The following ADAMTS12 variants were observed in gnomAD, a reference collection of about 807,000 sequenced individuals.
ADAMTS12 encodes the protein A disintegrin and metalloproteinase with thrombospondin motifs 12.
Under a neutral mutation model 167.8 loss-of-function variants are expected in ADAMTS12, and 118 were observed. The observed-to-expected ratio is 0.70, with a 90% CI of 0.61 to 0.82. The LOEUF (loss-of-function observed/expected upper bound fraction) is 0.82, where lower values mean the gene tolerates loss of function less well. Among genes scored for constraint, ADAMTS12 ranks in the 40% least tolerant of loss-of-function variants. The probability of loss-of-function intolerance (pLI) is 0.00; values close to 1 mark genes in which losing one functional copy is unlikely to be tolerated. For missense variants in ADAMTS12, 1,916 were observed against 1,998.8 expected, an observed-to-expected ratio of 0.96 and a Z score of 0.79; for synonymous variants, 704 against 716.9, an observed-to-expected ratio of 0.98 and a Z score of 0.29.
chr5:33,615,754 C>A, intron 15 of ADAMTS12, 74 bp downstream of exon 15: 2 of 1,570,902 alleles, frequency 1.3e-6, no homozygotes, highest in Non-Finnish European at 1.7e-6. Context: ...TGTCCCCTAG[C>A]AAGTACCTTG....
chr5:33,787,985 T>C (rs1401847920), intron 2 of ADAMTS12, among the ~76,000 whole-genome samples: 1 of 152,100 alleles, frequency 6.6e-6, no homozygotes, highest in Non-Finnish European at 1.5e-5. Context: ...ACAGCCTCAC[T>C]CAAACGGGAG....
At chr5:33,833,003 T>G (rs1292868652) in intron 2 of ADAMTS12, among the ~76,000 whole-genome samples, 1 of 152,214 alleles carries the variant, frequency 6.6e-6, no homozygotes, top group Non-Finnish European at 1.5e-5. Context: ...AGGGAAGCTT[T>G]TGTTTCTCTC....
chr5:33,644,571 G>T lies in ADAMTS12; in HGVS notation c.1480-1101C>A, dbSNP rs1740589696. On this transcript the variant is annotated intron_variant, in intron 9 of 23. Transcript: ENST00000504830. ...TTCTGGTTCTTTTTTCTCATGTACA[G>T]TTCATTCTTATATATTTATTTTATT... Among the ~76,000 whole-genome samples, 6 of 151,860 alleles carry T rather than the reference G, an allele frequency of 4.0e-5. No individual in the cohort carries two copies. The South Asian group carries it at 1.2e-3, about 31-fold the overall frequency.
In ADAMTS12 at chr5:33,616,033, T is replaced by A; in HGVS notation, c.2183A>T (p.Asp728Val). The A allele has an allele frequency of 6.2e-7, 1 of 1,614,148 alleles. No homozygotes were observed. The highest frequency in any genetic ancestry group is 8.5e-7 in the Non-Finnish European group (1 of 1,180,012). Reference protein sequence around the residue: ...DIGLIPKGARDIRVMEIEGAG... With the variant: ...DIGLIPKGARVIRVMEIEGAG... The stretch of plus-strand genomic sequence containing the variant: ...TCCCTCAATTTCCATCACTCTTATG[T>A]CCCTTGCTCCTTTTGGAATGAGCCC... Residue 728 changes from aspartate to valine, a missense_variant, in exon 15 of 24, where the codon GAC becomes GTC. Asp to Val is a radical substitution (Grantham distance 152). Transcript: ENST00000504830.
chr5:33,791,716 C>T (rs1746576729), intron 2 of ADAMTS12, among the ~76,000 whole-genome samples: 1 of 151,858 alleles, frequency 6.6e-6, no homozygotes, highest in Admixed American at 6.6e-5. Context: ...CTTGAGATAC[C>T]CCAGATATCC....
intron 3 of ADAMTS12, among the ~76,000 whole-genome samples, chr5:33,705,635 A>G (rs545843725): frequency 3.6e-4 from 54 of 152,092 alleles, no homozygotes; most frequent in Non-Finnish European, 6.8e-4. Flanking sequence ...CAACGTGTGA[A>G]ACCATCTCTA....
chr5:33,649,722 G>T (rs1302737066), intron 7 of ADAMTS12, 25 bp from the exon 8 acceptor site: 2 of 1,611,412 alleles, frequency 1.2e-6, no homozygotes, highest in African/African-American at 1.3e-5. Context: ...CCAAGCACAA[G>T]AAGAGCCAGC....
At chr5:33,831,034 C>A (rs1259189901) in intron 2 of ADAMTS12, among the ~76,000 whole-genome samples, 1 of 152,056 alleles carries the variant, frequency 6.6e-6, no homozygotes, top group Non-Finnish European at 1.5e-5. Flanking sequence ...ATGCTACAAA[C>A]AGACTCTTAA....
At chr5:33,533,196 G>A (rs1744201538) in intron 23 of ADAMTS12, among the ~76,000 whole-genome samples, 1 of 152,174 alleles carries the variant, frequency 6.6e-6, no homozygotes, top group African/African-American at 2.4e-5. Flanking sequence ...GACAGTTGAA[G>A]ACAACCTACA....
intron 16 of ADAMTS12, among the ~76,000 whole-genome samples, chr5:33,600,543 GA>G (rs5867193): frequency 0.021 from 3,250 of 152,246 alleles, 42 homozygotes; most frequent in African/African-American, 0.05. Flanking sequence ...TTATTGTAAT[GA>G]CTTATGGTTA....
At chr5:33,631,205 C>T (rs1374621147) in intron 12 of ADAMTS12, among the ~76,000 whole-genome samples, 1 of 152,152 alleles carries the variant, frequency 6.6e-6, no homozygotes, top group African/African-American at 2.4e-5. Flanking sequence ...TTCTATTCAA[C>T]ATTGAATTGT....
intron 20 of ADAMTS12, among the ~76,000 whole-genome samples, chr5:33,554,342 C>A (rs973102906): frequency 3.3e-5 from 5 of 152,116 alleles, no homozygotes; most frequent in African/African-American, 1.2e-4. Context: ...TGGACGCCAT[C>A]ATGGAGAACC....
At chr5:33,601,253 CT>C (rs1561159480) in intron 16 of ADAMTS12, among the ~76,000 whole-genome samples, 1 of 152,038 alleles carries the variant, frequency 6.6e-6, no homozygotes, top group Non-Finnish European at 1.5e-5. Flanking sequence ...CTTCTCAAGC[CT>C]CAATTTCCTT....
intron 23 of ADAMTS12, 136 bp downstream of exon 23, chr5:33,534,695 CCA>C (rs746286094): frequency 8.7e-7 from 1 of 1,148,534 alleles, no homozygotes; most frequent in Non-Finnish European, 1.2e-6. Flanking sequence ...TAGTTTGTTC[CCA>C]GGGTTACTGG....
chr5:33,602,569 T>A (rs1228524259), intron 16 of ADAMTS12, among the ~76,000 whole-genome samples: 1 of 152,216 alleles, frequency 6.6e-6, no homozygotes, highest in Admixed American at 6.5e-5. Flanking sequence ...AGCACCAAGA[T>A]GAGTGCACTT....
At chr5:33,743,678 T>G (rs1236916970) in intron 3 of ADAMTS12, among the ~76,000 whole-genome samples, 1 of 152,230 alleles carries the variant, frequency 6.6e-6, no homozygotes, top group Non-Finnish European at 1.5e-5. Context: ...TTTCTTTTTC[T>G]ATCTGCGTCT....
intron 2 of ADAMTS12, among the ~76,000 whole-genome samples, chr5:33,821,519 G>A (rs1381079696): frequency 6.6e-6 from 1 of 152,028 alleles, no homozygotes; most frequent in African/African-American, 2.4e-5. Context: ...AATGTTTTAG[G>A]TCATACAAAT....
chr5:33,788,551 G>T (rs1249823353), intron 2 of ADAMTS12, among the ~76,000 whole-genome samples: 1 of 152,124 alleles, frequency 6.6e-6, no homozygotes, highest in Non-Finnish European at 1.5e-5. Context: ...TAGTTCCACA[G>T]AATCTCATTT....
intron 18 of ADAMTS12, among the ~76,000 whole-genome samples, chr5:33,585,440 C>T (rs563460271): frequency 2.0e-5 from 3 of 152,186 alleles, no homozygotes; most frequent in Non-Finnish European, 4.4e-5. Flanking sequence ...GCCTGAAATG[C>T]CTTTGGAAAG....
Sources: allele counts gnomAD v4.1 joint callset (sites outside exome capture counted in the v4.1 genomes callset), GRCh38; gene constraint gnomAD v4.1.1; transcripts MANE v1.5; gene names NCBI Gene and HGNC (gene_info 2026-07-23, HGNC 2026-07-21).